The following MEIKIN variants were observed in gnomAD, a reference collection of about 807,000 sequenced individuals.
MEIKIN encodes the protein meiotic kinetochore factor.
chr5:131,852,322 TG>T (rs1180879189), intron 10 of MEIKIN, among the ~76,000 whole-genome samples: 1 of 152,164 alleles, frequency 6.6e-6, no homozygotes, highest in Non-Finnish European at 1.5e-5. Flanking sequence ...TCTGTTGCCA[TG>T]TAAGACAGGC....
At chr5:131,835,861 G>T (rs1749797032) in intron 11 of MEIKIN, among the ~76,000 whole-genome samples, 1 of 152,196 alleles carries the variant, frequency 6.6e-6, no homozygotes, top group Non-Finnish European at 1.5e-5. Flanking sequence ...CCAAAGTGCT[G>T]GGATTATAGG....
At chr5:131,885,845 G>A (rs926653526) in intron 8 of MEIKIN, among the ~76,000 whole-genome samples, 42 of 152,178 alleles carry the variant, frequency 2.8e-4, no homozygotes, top group African/African-American at 9.4e-4. Flanking sequence ...CTGGAGAAAC[G>A]GAGATACATG....
rs116521561 is a variant in MEIKIN, at chr5:131,858,902, T to A, written c.775-4068A>T. On this transcript the variant is annotated intron_variant, in intron 9 of 12. Transcript: ENST00000442687. The stretch of plus-strand genomic sequence containing the variant: ...ACCATCTCACACCAGTCAGAATGAC[T>A]TATTAAAAAAGTCAAAAACTAATAG... Among the ~76,000 whole-genome samples, 916 of 152,246 alleles carry A rather than the reference T, an allele frequency of 6.0e-3. 9 individuals are homozygous for A. Among genetic ancestry groups the A allele is most frequent in the African/African-American group, 0.021 (880 of 41,546 alleles).
chr5:131,884,825 C>G (rs563514666), intron 8 of MEIKIN, among the ~76,000 whole-genome samples: 1 of 151,944 alleles, frequency 6.6e-6, no homozygotes, highest in Non-Finnish European at 1.5e-5. Context: ...GAGTCCCAGG[C>G]AGCATTTACC....
At chr5:131,914,147 CAG>C (rs1457604658) in intron 7 of MEIKIN, among the ~76,000 whole-genome samples, 2 of 152,138 alleles carry the variant, frequency 1.3e-5, no homozygotes, top group Non-Finnish European at 1.5e-5. Context: ...CGGGACTCTG[CAG>C]AGAGTCCCCA....
intron 12 of MEIKIN, among the ~76,000 whole-genome samples, chr5:131,816,610 A>G (rs1773105879): frequency 6.6e-6 from 1 of 152,182 alleles, no homozygotes; most frequent in Non-Finnish European, 1.5e-5. Context: ...GGTAATTTGC[A>G]TACGTTAGGC....
intron 11 of MEIKIN, among the ~76,000 whole-genome samples, chr5:131,839,797 T>A (rs1458286386): frequency 6.6e-6 from 1 of 152,240 alleles, no homozygotes; most frequent in East Asian, 1.9e-4. Context: ...CTTGCTTCTC[T>A]ATCCAGCTTG....
intron 5 of MEIKIN, among the ~76,000 whole-genome samples, chr5:131,926,631 G>C (rs1050592124): frequency 2.6e-5 from 4 of 152,066 alleles, no homozygotes; most frequent in African/African-American, 9.7e-5. Flanking sequence ...TAAATGTTTG[G>C]TAGAATTCAC....
chr5:131,945,648 C>T lies in MEIKIN; in HGVS notation c.-143G>A. 1 of 394,788 alleles carries T rather than the reference C, an allele frequency of 2.5e-6. No individual in the cohort carries two copies. The highest frequency in any genetic ancestry group is 4.5e-6 in the Non-Finnish European group (1 of 223,570). 24.5% of individuals were successfully genotyped at this position (394,788 alleles called of 1,614,324 possible). On this transcript the variant is annotated 5_prime_UTR_variant, in exon 1 of 13. Transcript: ENST00000442687. The stretch of plus-strand genomic sequence containing the variant: ...CTCACAGCAACTAATCGAGCGAAAG[C>T]AAAAGCCCCAGAACTGGAGCCGCCG...
At chr5:131,876,092 C>T (rs529969798) in intron 9 of MEIKIN, among the ~76,000 whole-genome samples, 73 of 152,260 alleles carry the variant, frequency 4.8e-4, no homozygotes, top group African/African-American at 1.7e-3. Context: ...TGGGCAAGGA[C>T]TTCATGTCTA....
intron 8 of MEIKIN, among the ~76,000 whole-genome samples, chr5:131,883,008 C>T (rs1750723842): frequency 6.6e-6 from 1 of 152,152 alleles, no homozygotes; most frequent in South Asian, 2.1e-4. Flanking sequence ...TCCTTAGTTA[C>T]TGTTATTTCT....
At chr5:131,900,843 A>G (rs1358706009) in intron 8 of MEIKIN, among the ~76,000 whole-genome samples, 1 of 152,104 alleles carries the variant, frequency 6.6e-6, no homozygotes, top group Non-Finnish European at 1.5e-5. Flanking sequence ...GAGCTCCAGG[A>G]GAGCAGACAC....
At chr5:131,884,230 G>A (rs964764267) in intron 8 of MEIKIN, among the ~76,000 whole-genome samples, 14 of 152,240 alleles carry the variant, frequency 9.2e-5, no homozygotes, top group African/African-American at 3.4e-4. Context: ...GGGAGTGCTT[G>A]TGCCACCCCT....
chr5:131,886,673 A>C (rs540711722), intron 8 of MEIKIN, among the ~76,000 whole-genome samples: 2 of 152,332 alleles, frequency 1.3e-5, no homozygotes, highest in Admixed American at 1.3e-4. Context: ...CTTCATTTAC[A>C]AAGAAAAGGA....
rs7737246 is a variant in MEIKIN, at chr5:131,872,761, A to G, written c.774+6217T>C. ...GGCAGCCAGAGAGAAAGGTTGGGTT[A>G]CCCACAAAGGGAAGCCCATCAGACT... On this transcript the variant is annotated intron_variant, in intron 9 of 12. Transcript: ENST00000442687. Among the ~76,000 whole-genome samples, 1,451 of 152,320 alleles carry G rather than the reference A, an allele frequency of 9.5e-3. 19 individuals are homozygous for G. Among genetic ancestry groups the G allele is most frequent in the African/African-American group, 0.032 (1,347 of 41,562 alleles).
intron 11 of MEIKIN, among the ~76,000 whole-genome samples, chr5:131,823,173 C>T (rs573908165): frequency 5.3e-5 from 8 of 152,060 alleles, no homozygotes; most frequent in South Asian, 2.1e-4. Flanking sequence ...AGGTAGTCTT[C>T]GGATTAAATC....
Position 131,915,841 on chromosome 5 carries a change from T to C in MEIKIN, c.638+1045A>G, listed in dbSNP as rs79826908. ...AATGAAGCTATGTTTTCTTTGCACA[T>C]GTAAGTAGTAGGTTTTATTTTTCAA... On this transcript the variant is annotated intron_variant, in intron 7 of 12. Transcript: ENST00000442687. Among the ~76,000 whole-genome samples, 50 of 152,290 alleles carry C rather than the reference T, an allele frequency of 3.3e-4. 1 individual carries two copies. The East Asian group carries it at 9.4e-3, about 29-fold the overall frequency.
intron 9 of MEIKIN, among the ~76,000 whole-genome samples, chr5:131,873,693 TAC>T (rs1280901130): frequency 1.3e-5 from 2 of 152,160 alleles, no homozygotes; most frequent in African/African-American, 2.4e-5. Flanking sequence ...CAACAGAATA[TAC>T]AGTCTTTTCA....
At chr5:131,943,840 A>C (rs1415034212) in intron 3 of MEIKIN, among the ~76,000 whole-genome samples, 1 of 152,178 alleles carries the variant, frequency 6.6e-6, no homozygotes, top group Non-Finnish European at 1.5e-5. Flanking sequence ...GAACTTGGCC[A>C]GGTGTGATGG....
Sources: gnomAD v4.1 joint callset for allele counts (sites outside exome capture counted in the v4.1 genomes callset) on GRCh38, gnomAD v4.1.1 for gene constraint, MANE v1.5 for transcripts, NCBI Gene and HGNC (gene_info 2026-07-23, HGNC 2026-07-21) for gene names.